COL4A1: variants seen among roughly 807,000 people sequenced by gnomAD.
The protein encoded by COL4A1 is collagen alpha-1(IV) chain.
A neutral mutation model predicts 216.6 loss-of-function variants in COL4A1; 40 were observed. That is an observed-to-expected ratio of 0.18 (90% CI 0.14 to 0.24). The LOEUF is 0.24. Ranked by LOEUF, COL4A1 falls within the 10% of genes least tolerant of loss-of-function variation. The pLI is 1.00. For missense variants in COL4A1, 1,628 were observed against 2,196.8 expected, an observed-to-expected ratio of 0.74 and a Z score of 5.18; for synonymous variants, 839 against 810.7, an observed-to-expected ratio of 1.03 and a Z score of -0.59.
rs1881063132 is a variant in COL4A1, at chr13:110,231,539, C to T, written c.144+11136G>A. Among the ~76,000 whole-genome samples the T allele has an allele frequency of 2.0e-5, 3 of 152,156 alleles. No homozygotes were observed. In the South Asian group the frequency reaches 6.2e-4, roughly 32 times the overall value. ...CCATTCTCGCAGCCGTGCCTTCTCC[C>T]TCCCTGGAGGTCTTAGCAGAGTGTT... On this transcript the variant is annotated intron_variant, in intron 2 of 51. Transcript: ENST00000375820.
intron 45 of COL4A1, among the ~76,000 whole-genome samples, chr13:110,165,740 C>T (rs868101148): frequency 6.6e-6 from 1 of 152,152 alleles, no homozygotes; most frequent in South Asian, 2.1e-4. Flanking sequence ...AGGATGAATA[C>T]TGTGCTTAAA....
chr13:110,297,859 T>C (rs535840145), intron 1 of COL4A1, among the ~76,000 whole-genome samples: 2 of 152,254 alleles, frequency 1.3e-5, no homozygotes, highest in African/African-American at 2.4e-5. Flanking sequence ...TACTGAGCTA[T>C]CAAACTATTA....
chr13:110,289,623 T>C (rs191679941), intron 1 of COL4A1, among the ~76,000 whole-genome samples: 4 of 152,286 alleles, frequency 2.6e-5, no homozygotes, highest in Admixed American at 6.5e-5. Context: ...TCACAGAATA[T>C]GTAAAGAGTT....
At chr13:110,196,184 G>A (rs1479637017) in intron 21 of COL4A1, among the ~76,000 whole-genome samples, 1 of 152,186 alleles carries the variant, frequency 6.6e-6, no homozygotes, top group African/African-American at 2.4e-5. Context: ...TGTTGCTTAT[G>A]TGCTTATGTG....
intron 1 of COL4A1, among the ~76,000 whole-genome samples, chr13:110,271,802 T>G (rs1442696409): frequency 6.6e-6 from 1 of 152,250 alleles, no homozygotes; most frequent in East Asian, 1.9e-4. Context: ...TTCCTCATTT[T>G]CATCATTGTT....
rs373571985 is a variant in COL4A1, at chr13:110,153,975, G to C, written c.4755+1308C>G. 3.6e-4 allele frequency among the ~76,000 whole-genome samples: 55 copies of C among 152,258 alleles called. No individual in the cohort carries two copies. In the South Asian group the frequency reaches 9.8e-3, roughly 27 times the overall value. On this transcript the variant is annotated intron_variant, in intron 50 of 51. Coordinates refer to ENST00000375820, the MANE Select transcript of COL4A1 (RefSeq NM_001845.6). ...CGCCACACCATCCGTGAGTTACCTT[G>C]TTATCTACCCTCAGCGTCCTCACTC...
chr13:110,230,157 AGT>A (rs200299882), intron 2 of COL4A1, among the ~76,000 whole-genome samples: 131 of 151,000 alleles, frequency 8.7e-4, no homozygotes, highest in African/African-American at 3.1e-3. Flanking sequence ...TCCTGAAGAA[AGT>A]GCGTGTGTGT....
chr13:110,251,680 C>T (rs1276431238), intron 1 of COL4A1, among the ~76,000 whole-genome samples: 2 of 152,222 alleles, frequency 1.3e-5, no homozygotes, highest in African/African-American at 4.8e-5. Flanking sequence ...GGGCTGTTCA[C>T]CTAGGAAGAA....
intron 4 of COL4A1, 51 bp downstream of exon 4, chr13:110,213,731 G>T (rs766820509): frequency 1.3e-6 from 2 of 1,579,434 alleles, no homozygotes; most frequent in Non-Finnish European, 8.7e-7. Flanking sequence ...CTCTGGAAGC[G>T]GGCCTGTCCC....
intron 29 of COL4A1, among the ~76,000 whole-genome samples, chr13:110,180,467 C>T (rs534116200): frequency 1.6e-4 from 24 of 152,338 alleles, no homozygotes; most frequent in African/African-American, 5.8e-4. Flanking sequence ...TGGTGCCCAT[C>T]TGCCCTCTCC....
At chr13:110,212,671 C>T in intron 4 of COL4A1, 53 bp from the exon 5 acceptor site, 3 of 1,598,594 alleles carry the variant, frequency 1.9e-6, no homozygotes, top group South Asian at 1.1e-5. Context: ...AGCCTCACTT[C>T]CTCCTCCTGC....
In COL4A1 at chr13:110,149,121, T is replaced by C. The variant is rs995835658; in HGVS notation, c.*1242A>G. ...CTTAAGAAATACACATTTAAAGAAA[T>C]TACATAAAAGGCCTTAGTAGTCTTA... On this transcript the variant is annotated 3_prime_UTR_variant, in exon 52 of 52. Coordinates refer to ENST00000375820, the MANE Select transcript of COL4A1 (RefSeq NM_001845.6). 6.5e-6 allele frequency: 1 copy of C among 154,828 alleles called. No homozygotes were observed. The highest frequency in any genetic ancestry group is 1.5e-5 in the Non-Finnish European group (1 of 68,218). 9.6% of individuals were successfully genotyped at this position (154,828 alleles called of 1,614,324 possible).
chr13:110,263,081 A>G (rs974390895), intron 1 of COL4A1, among the ~76,000 whole-genome samples: 1 of 152,156 alleles, frequency 6.6e-6, no homozygotes, highest in East Asian at 1.9e-4. Flanking sequence ...CTCTCCAAAC[A>G]TGCCTGGAAA....
At chr13:110,300,342 G>A (rs1347654168) in intron 1 of COL4A1, among the ~76,000 whole-genome samples, 3 of 152,196 alleles carry the variant, frequency 2.0e-5, no homozygotes, top group Non-Finnish European at 2.9e-5. Flanking sequence ...TTCTGAATGT[G>A]GATCATCTCT....
chr13:110,188,762 G>A (rs1878506011), intron 24 of COL4A1, among the ~76,000 whole-genome samples: 1 of 152,182 alleles, frequency 6.6e-6, no homozygotes, highest in African/African-American at 2.4e-5. Context: ...GCAAATGTGG[G>A]ACTAACCTAA....
intron 1 of COL4A1, among the ~76,000 whole-genome samples, chr13:110,274,345 C>G (rs1347660484): frequency 6.6e-6 from 1 of 152,198 alleles, no homozygotes; most frequent in Non-Finnish European, 1.5e-5. Flanking sequence ...CTTTAGGAAG[C>G]CCCCTTTCCC....
chr13:110,183,879 C>T (rs1461043618), intron 26 of COL4A1, among the ~76,000 whole-genome samples: 2 of 152,312 alleles, frequency 1.3e-5, no homozygotes, highest in East Asian at 3.9e-4. Flanking sequence ...GGAGAGCCAC[C>T]GGAGTGTCAG....
intron 1 of COL4A1, among the ~76,000 whole-genome samples, chr13:110,248,299 C>G (rs78372559): frequency 0.034 from 5,240 of 152,292 alleles, 321 homozygotes; most frequent in African/African-American, 0.12. Context: ...GGGCCCCACA[C>G]GCTCCCGGCG....
intron 2 of COL4A1, 147 bp from the exon 3 acceptor site, chr13:110,214,162 G>A: frequency 2.9e-6 from 2 of 699,552 alleles, no homozygotes; most frequent in Non-Finnish European, 2.5e-6. Context: ...CACGATCTCG[G>A]CTCACTGCAA....
Sources: gnomAD v4.1 joint callset for allele counts (sites outside exome capture counted in the v4.1 genomes callset) on GRCh38, gnomAD v4.1.1 for gene constraint, MANE v1.5 for transcripts, NCBI Gene and HGNC (gene_info 2026-07-23, HGNC 2026-07-21) for gene names.